Variants in CDYL observed in about 807,000 individuals in gnomAD.
CDYL encodes the protein chromodomain Y-like protein.
In CDYL, 8 loss-of-function variants were observed where a neutral mutation model predicts 47.3. The observed-to-expected ratio is 0.17, with a 90% CI of 0.10 to 0.31. The LOEUF (loss-of-function observed/expected upper bound fraction) is 0.31. Ranked by LOEUF, CDYL falls within the 10% of genes least tolerant of loss-of-function variation. The pLI is 1.00. For synonymous variants in CDYL, 266 were observed against 265.0 expected, an observed-to-expected ratio of 1.00 and a Z score of -0.04; for missense variants, 471 against 701.4, an observed-to-expected ratio of 0.67 and a Z score of 3.71.
intron 2 of CDYL, among the ~76,000 whole-genome samples, chr6:4,921,132 C>G (rs907030675): frequency 1.1e-4 from 17 of 152,178 alleles, no homozygotes; most frequent in Non-Finnish European, 2.5e-4. Context: ...GTTTCAGCTT[C>G]AGGGTAGGTG....
At chr6:4,858,650 G>C (rs1761080247) in intron 1 of CDYL, among the ~76,000 whole-genome samples, 1 of 152,214 alleles carries the variant, frequency 6.6e-6, no homozygotes. Context: ...TTAAATTCAA[G>C]GATATGCTGC....
Position 4,801,016 on chromosome 6 carries a change from A to G in CDYL, c.24+24209A>G, listed in dbSNP as rs149841181. 7.0e-4 allele frequency among the ~76,000 whole-genome samples: 106 copies of G among 152,284 alleles called. 1 individual carries two copies. The highest frequency in any genetic ancestry group is 2.3e-3 in the African/African-American group (97 of 41,568). ...CCTCCTTTCCTCTCTCTAGAGTCCA[A>G]TTAAGGTACTGCTTCCTGTTGTCAC... On this transcript the variant is annotated intron_variant, in intron 1 of 6. Coordinates refer to ENST00000397588, the MANE Select transcript of CDYL (RefSeq NM_004824.4).
At chr6:4,770,103 C>T (rs906230183) in intron 3 of CDYL, among the ~76,000 whole-genome samples, 10 of 151,884 alleles carry the variant, frequency 6.6e-5, no homozygotes, top group Admixed American at 5.9e-4. Flanking sequence ...TTCCAAAGTG[C>T]TGGGATTACA....
chr6:4,858,111 G>T (rs983443174), intron 1 of CDYL, among the ~76,000 whole-genome samples: 27 of 150,662 alleles, frequency 1.8e-4, no homozygotes, highest in African/African-American at 6.6e-4. Context: ...CTGAATGCAA[G>T]AAGTTCAACT....
At chr6:4,951,934 C>G (rs1358188498) in intron 5 of CDYL, among the ~76,000 whole-genome samples, 1 of 152,102 alleles carries the variant, frequency 6.6e-6, no homozygotes. Context: ...GGAAGCTATA[C>G]CAGTAACTTT....
chr6:4,936,610 G>A (rs1263490572), intron 3 of CDYL, among the ~76,000 whole-genome samples: 2 of 152,144 alleles, frequency 1.3e-5, no homozygotes, highest in Non-Finnish European at 2.9e-5. Context: ...ATGATTTTAT[G>A]CCCTAAAATT....
intron 1 of CDYL, among the ~76,000 whole-genome samples, chr6:4,796,229 G>GTGA (rs1375992572): frequency 3.3e-5 from 5 of 152,072 alleles, no homozygotes; most frequent in African/African-American, 9.7e-5. Context: ...CACTGCGCCT[G>GTGA]GCCCACTTAT....
intron 2 of CDYL, among the ~76,000 whole-genome samples, chr6:4,900,793 A>ATATATATATGTG (rs1561697514): frequency 1.9e-5 from 1 of 53,746 alleles, no homozygotes; most frequent in Non-Finnish European, 3.7e-5. Flanking sequence ...ATATATATAT[A>ATATATATATGTG]TATATATATA....
intron 2 of CDYL, among the ~76,000 whole-genome samples, chr6:4,894,884 T>C (rs1762157946): frequency 5.8e-5 from 8 of 137,826 alleles, no homozygotes; most frequent in South Asian, 2.1e-4. Context: ...CATGTGTATG[T>C]GTGTGTATAT....
chr6:4,859,407 G>C (rs1761100343), intron 1 of CDYL, among the ~76,000 whole-genome samples: 1 of 152,048 alleles, frequency 6.6e-6, no homozygotes, highest in African/African-American at 2.4e-5. Context: ...TCCTGAGTTG[G>C]TTGCCCTTGC....
chr6:4,829,567 C>G (rs575973297), intron 1 of CDYL, among the ~76,000 whole-genome samples: 2 of 152,300 alleles, frequency 1.3e-5, no homozygotes, highest in South Asian at 4.1e-4. Flanking sequence ...TGTCTTTCCC[C>G]TTACACCCAC....
chr6:4,758,662 CA>C (rs1259623562), intron 3 of CDYL, among the ~76,000 whole-genome samples: 1 of 151,084 alleles, frequency 6.6e-6, no homozygotes, highest in Non-Finnish European at 1.5e-5. Flanking sequence ...GACTCTGTCT[CA>C]AAAAAACACT....
intron 5 of CDYL, among the ~76,000 whole-genome samples, chr6:4,948,220 A>C (rs1041700933): frequency 6.6e-6 from 1 of 152,170 alleles, no homozygotes; most frequent in Admixed American, 6.5e-5. Context: ...CCACTGTATG[A>C]TCTATGTAGA....
At chr6:4,925,496 C>T (rs987829842) in intron 2 of CDYL, among the ~76,000 whole-genome samples, 1 of 147,626 alleles carries the variant, frequency 6.8e-6, no homozygotes, top group Non-Finnish European at 1.5e-5. Flanking sequence ...ACTGCAAGCT[C>T]CGCCTCCCAG....
chr6:4,791,070 A>C (rs1212718378), intron 1 of CDYL, among the ~76,000 whole-genome samples: 2 of 152,232 alleles, frequency 1.3e-5, no homozygotes, highest in Non-Finnish European at 2.9e-5. Flanking sequence ...AACAGAACGA[A>C]GTGTAACGTC....
At chr6:4,789,539 G>T (rs963892827) in intron 1 of CDYL, among the ~76,000 whole-genome samples, 9 of 152,178 alleles carry the variant, frequency 5.9e-5, no homozygotes, top group Admixed American at 5.2e-4. Context: ...AGGAACTCCA[G>T]TGATTCAAAC....
intron 5 of CDYL, among the ~76,000 whole-genome samples, chr6:4,948,243 G>T (rs1285134522): frequency 1.3e-5 from 2 of 152,142 alleles, no homozygotes; most frequent in Admixed American, 6.5e-5. Flanking sequence ...TGTGGTGTCG[G>T]TGCAGATGTG....
At chr6:4,714,826 G>A (rs955136864) in intron 1 of CDYL, 1 of 152,180 alleles carries the variant, frequency 6.6e-6, no homozygotes, top group African/African-American at 2.4e-5. Flanking sequence ...TGTTCTGGCT[G>A]GTTTAGAGGC....
chr6:4,805,925 A>G (rs1189986901), intron 1 of CDYL, among the ~76,000 whole-genome samples: 4 of 152,252 alleles, frequency 2.6e-5, no homozygotes, highest in Admixed American at 2.6e-4. Flanking sequence ...TCCCTTCAGC[A>G]GTCAAGTGGA....
Sources: allele counts gnomAD v4.1 joint callset (sites outside exome capture counted in the v4.1 genomes callset), GRCh38; gene constraint gnomAD v4.1.1; transcripts MANE v1.5; gene names NCBI Gene and HGNC (gene_info 2026-07-23, HGNC 2026-07-21).